Variants in TSHZ2 observed in about 807,000 individuals in gnomAD.
The protein encoded by TSHZ2 is teashirt zinc finger homeobox 2.
TSHZ2 carries 21 observed loss-of-function variants against 74.4 expected under a neutral mutation model. That is an observed-to-expected ratio of 0.28 (90% CI 0.20 to 0.41). The LOEUF (loss-of-function observed/expected upper bound fraction) is 0.41, where lower values mean the gene tolerates loss of function less well. Among genes scored for constraint, TSHZ2 ranks in the 10% least tolerant of loss-of-function variants. The probability of loss-of-function intolerance (pLI) is 1.00; values close to 1 mark genes in which losing one functional copy is unlikely to be tolerated. For missense variants in TSHZ2, 1,244 were observed against 1,293.5 expected (o/e 0.96, Z 0.59); for synonymous variants, 540 against 515.3 (o/e 1.05, Z -0.65).
intron 2 of TSHZ2, among the ~76,000 whole-genome samples, chr20:53,277,611 G>A (rs572647166): frequency 2.6e-5 from 4 of 152,232 alleles, no homozygotes; most frequent in Non-Finnish European, 5.9e-5. Context: ...TCATTCTCAG[G>A]CAAATGGCAA....
At chr20:53,272,731 G>A (rs1241565047) in intron 2 of TSHZ2, among the ~76,000 whole-genome samples, 1 of 152,168 alleles carries the variant, frequency 6.6e-6, no homozygotes, top group Admixed American at 6.5e-5. Flanking sequence ...CTAACACTCT[G>A]CCAGGATGTT....
chr20:53,337,423 T>C (rs1244493934), intron 2 of TSHZ2, among the ~76,000 whole-genome samples: 2 of 152,246 alleles, frequency 1.3e-5, no homozygotes, highest in Admixed American at 1.3e-4. Flanking sequence ...TTTTGCCTTT[T>C]TCATTAGAGA....
At chr20:53,142,062 A>C (rs1478592338) in intron 1 of TSHZ2, among the ~76,000 whole-genome samples, 1 of 152,170 alleles carries the variant, frequency 6.6e-6, no homozygotes, top group Non-Finnish European at 1.5e-5. Flanking sequence ...TACCATCCTA[A>C]GTCAAGATTT....
chr20:53,307,430 T>G (rs6512879), intron 2 of TSHZ2, among the ~76,000 whole-genome samples: 18,623 of 152,076 alleles, frequency 0.12, 1,369 homozygotes, highest in African/African-American at 0.2. Context: ...ATAGCAGCTG[T>G]TTCGACCCTT....
At chr20:53,062,424 T>C (rs1218686943) in intron 1 of TSHZ2, among the ~76,000 whole-genome samples, 2 of 152,232 alleles carry the variant, frequency 1.3e-5, no homozygotes, top group African/African-American at 2.4e-5. Flanking sequence ...ACCATCCTAA[T>C]AGTTGTGACA....
intron 2 of TSHZ2, among the ~76,000 whole-genome samples, chr20:53,329,368 C>T (rs1600813265): frequency 6.6e-6 from 1 of 152,226 alleles, no homozygotes; most frequent in Non-Finnish European, 1.5e-5. Flanking sequence ...CTTCTCTTTG[C>T]TTCCTACAAA....
At chr20:53,292,503 A>G (rs1991298654) in intron 2 of TSHZ2, among the ~76,000 whole-genome samples, 1 of 148,188 alleles carries the variant, frequency 6.7e-6, no homozygotes, top group Non-Finnish European at 1.5e-5. Flanking sequence ...GCTGAAGTGC[A>G]GTGGTGCAAT....
intron 2 of TSHZ2, among the ~76,000 whole-genome samples, chr20:53,281,530 C>T (rs1318728060): frequency 6.6e-6 from 1 of 152,120 alleles, no homozygotes; most frequent in Non-Finnish European, 1.5e-5. Flanking sequence ...GGCTGAGTTC[C>T]AATAAAACTT....
intron 1 of TSHZ2, among the ~76,000 whole-genome samples, chr20:53,015,241 T>C (rs1052446760): frequency 3.3e-5 from 5 of 152,210 alleles, no homozygotes; most frequent in Admixed American, 1.3e-4. Context: ...TTCAACCTTT[T>C]CAAATCTCAT....
chr20:53,406,773 C>T (rs1982867997), intron 2 of TSHZ2, among the ~76,000 whole-genome samples: 1 of 152,086 alleles, frequency 6.6e-6, no homozygotes, highest in Admixed American at 6.6e-5. Context: ...AAAACTAAAA[C>T]ATGGCGTGGG....
intron 2 of TSHZ2, among the ~76,000 whole-genome samples, chr20:53,396,131 G>A (rs1274859846): frequency 6.6e-6 from 1 of 152,236 alleles, no homozygotes; most frequent in East Asian, 1.9e-4. Context: ...TACAGATGGG[G>A]TTTCACCATG....
At chr20:53,274,892 C>T (rs767440287) in intron 2 of TSHZ2, among the ~76,000 whole-genome samples, 5 of 152,292 alleles carry the variant, frequency 3.3e-5, no homozygotes, top group Admixed American at 6.5e-5. Flanking sequence ...CATTTCCACC[C>T]AGAGCCAGTG....
chr20:53,375,768 A>G (rs55954000), intron 2 of TSHZ2, among the ~76,000 whole-genome samples: 3,478 of 152,260 alleles, frequency 0.023, 69 homozygotes, highest in Non-Finnish European at 0.034. Context: ...GTGTGCATCA[A>G]AATTATTTTT....
At chr20:53,153,197 C>T (rs1475951022) in intron 1 of TSHZ2, among the ~76,000 whole-genome samples, 2 of 152,322 alleles carry the variant, frequency 1.3e-5, no homozygotes, top group South Asian at 2.1e-4. Context: ...GTGACCATAG[C>T]CCCTGACACA....
At chr20:53,035,231 T>G (rs972158952) in intron 1 of TSHZ2, among the ~76,000 whole-genome samples, 5 of 152,186 alleles carry the variant, frequency 3.3e-5, no homozygotes, top group African/African-American at 4.8e-5. Context: ...TGCTGCTGGG[T>G]GCCTTGATCT....
chr20:53,407,624 A>G (rs1268199654), intron 2 of TSHZ2, among the ~76,000 whole-genome samples: 2 of 152,198 alleles, frequency 1.3e-5, no homozygotes, highest in Non-Finnish European at 2.9e-5. Context: ...ATATAAAGTC[A>G]GGCTGAGATG....
chr20:53,348,603 A>G (rs1375890316), intron 2 of TSHZ2, among the ~76,000 whole-genome samples: 1 of 152,192 alleles, frequency 6.6e-6, no homozygotes, highest in Non-Finnish European at 1.5e-5. Context: ...TGAGCCGGAA[A>G]TTTTGGAGGC....
chr20:53,176,061 A>G (rs1392153311), intron 1 of TSHZ2, among the ~76,000 whole-genome samples: 1 of 152,244 alleles, frequency 6.6e-6, no homozygotes, highest in Non-Finnish European at 1.5e-5. Context: ...CACTGACTGG[A>G]CAGAGTTAAA....
chr20:53,008,149 G>A (rs1033183525), intron 1 of TSHZ2, among the ~76,000 whole-genome samples: 9 of 152,142 alleles, frequency 5.9e-5, no homozygotes, highest in African/African-American at 2.2e-4. Flanking sequence ...TGTTGAGCAT[G>A]ATTTTCTTAA....
Sources: gnomAD v4.1 joint callset for allele counts (sites outside exome capture counted in the v4.1 genomes callset) on GRCh38, gnomAD v4.1.1 for gene constraint, MANE v1.5 for transcripts, NCBI Gene and HGNC (gene_info 2026-07-23, HGNC 2026-07-21) for gene names.